The following EEPD1 variants were observed in gnomAD, a reference collection of about 807,000 sequenced individuals.
The protein encoded by EEPD1 is endonuclease/exonuclease/phosphatase family domain containing 1, also known as endonuclease/exonuclease/phosphatase family domain-containing protein 1.
In EEPD1, 17 loss-of-function variants were observed where a neutral mutation model predicts 46.3. The observed-to-expected ratio is 0.37, with a 90% CI of 0.25 to 0.55. The LOEUF is 0.55. Ranked by LOEUF, EEPD1 falls within the 20% of genes least tolerant of loss-of-function variation. The pLI is 0.83. For missense variants in EEPD1, 673 were observed against 745.6 expected, an observed-to-expected ratio of 0.90 and a Z score of 1.13; for synonymous variants, 313 against 315.6, an observed-to-expected ratio of 0.99 and a Z score of 0.09.
chr7:36,166,941 C>T (rs1180060680), intron 2 of EEPD1, among the ~76,000 whole-genome samples: 3 of 152,142 alleles, frequency 2.0e-5, no homozygotes, highest in African/African-American at 4.8e-5. Flanking sequence ...GGGGCTTCAA[C>T]CACAGAAATG....
At chr7:36,291,685 A>G (rs141576542) in intron 6 of EEPD1, among the ~76,000 whole-genome samples, 242 of 152,344 alleles carry the variant, frequency 1.6e-3, no homozygotes, top group Middle Eastern at 6.8e-3. Flanking sequence ...GCTTCCCTTC[A>G]GATTCCTTTC....
chr7:36,273,431 C>T (rs1280638990), intron 3 of EEPD1, among the ~76,000 whole-genome samples: 2 of 152,052 alleles, frequency 1.3e-5, no homozygotes, highest in East Asian at 1.9e-4. Flanking sequence ...TCTTGGCCAC[C>T]TGTGTCTTCT....
intron 2 of EEPD1, among the ~76,000 whole-genome samples, chr7:36,190,484 G>A (rs1785443286): frequency 6.6e-6 from 1 of 152,174 alleles, no homozygotes; most frequent in Non-Finnish European, 1.5e-5. Context: ...GACATAATCA[G>A]ACAAAAATCA....
chr7:36,276,013 C>T (rs1264818775), intron 3 of EEPD1, among the ~76,000 whole-genome samples: 1 of 152,150 alleles, frequency 6.6e-6, no homozygotes, highest in African/African-American at 2.4e-5. Context: ...ATGCCAGCAC[C>T]TTGTACATCT....
chr7:36,271,469 C>T (rs542071199), intron 3 of EEPD1, among the ~76,000 whole-genome samples: 6,479 of 151,990 alleles, frequency 0.043, 242 homozygotes, highest in Admixed American at 0.1. Flanking sequence ...TTGGTTTTTT[C>T]TTTTAAATTT....
intron 2 of EEPD1, among the ~76,000 whole-genome samples, chr7:36,203,461 C>G (rs2115707812): frequency 1.3e-5 from 2 of 152,300 alleles, no homozygotes; most frequent in African/African-American, 4.8e-5. Flanking sequence ...TCCTTTCTTC[C>G]TCAGGATTCC....
intron 2 of EEPD1, among the ~76,000 whole-genome samples, chr7:36,184,840 C>T (rs1391379671): frequency 2.0e-5 from 3 of 152,212 alleles, no homozygotes; most frequent in Admixed American, 1.3e-4. Flanking sequence ...AAGCAATTCT[C>T]CTGCCTCAGC....
chr7:36,173,200 T>C (rs546870957), intron 2 of EEPD1, among the ~76,000 whole-genome samples: 1 of 151,858 alleles, frequency 6.6e-6, no homozygotes, highest in Non-Finnish European at 1.5e-5. Flanking sequence ...AGTGAGTGAG[T>C]TCTGATGAGA....
intron 2 of EEPD1, among the ~76,000 whole-genome samples, chr7:36,237,824 G>C (rs928620459): frequency 6.6e-6 from 1 of 152,080 alleles, no homozygotes; most frequent in Admixed American, 6.5e-5. Flanking sequence ...AGCAGCACAC[G>C]CCTGTAAAAC....
In EEPD1 at chr7:36,193,850, G is replaced by T. The variant is rs1365075154; in HGVS notation, c.878+38648G>T. On this transcript the variant is annotated intron_variant, in intron 2 of 7. Transcript: ENST00000242108. The surrounding 1 kb of genome is among the most constrained non-coding windows in gnomAD (Gnocchi z 4.9). ...CACCTCCCTCTGGGAGGGCCTGGGGGACCCTGACACCATTCTGTGGGAGAG... is the reference window on the plus strand; with the variant it reads ...CACCTCCCTCTGGGAGGGCCTGGGGTACCCTGACACCATTCTGTGGGAGAG... Among the ~76,000 whole-genome samples, 1 of 152,138 alleles carries T rather than the reference G, an allele frequency of 6.6e-6. No individual in the cohort carries two copies. The highest frequency in any genetic ancestry group is 1.9e-4 in the East Asian group (1 of 5,192).
chr7:36,248,977 G>A (rs1001790150), intron 3 of EEPD1, among the ~76,000 whole-genome samples: 1 of 121,530 alleles, frequency 8.2e-6, no homozygotes, highest in East Asian at 2.5e-4. Flanking sequence ...TTATGGGCTA[G>A]GCTCTGTGGT....
At chr7:36,285,422 T>C (rs1228312327) in intron 5 of EEPD1, among the ~76,000 whole-genome samples, 1 of 152,126 alleles carries the variant, frequency 6.6e-6, no homozygotes, top group East Asian at 1.9e-4. Flanking sequence ...CCAGGGGCAG[T>C]CCTGTCACTG....
At chr7:36,153,962 TC>T (rs1325331948) in intron 1 of EEPD1, among the ~76,000 whole-genome samples, 170 bp from the exon 2 acceptor site, 1 of 152,072 alleles carries the variant, frequency 6.6e-6, no homozygotes, top group Admixed American at 6.5e-5. Context: ...AACCCGGACG[TC>T]CCTAGAGGAG....
intron 2 of EEPD1, among the ~76,000 whole-genome samples, chr7:36,172,682 G>A (rs1335763412): frequency 6.8e-6 from 1 of 147,956 alleles, no homozygotes; most frequent in Non-Finnish European, 1.5e-5. Flanking sequence ...TTTTATGTGA[G>A]GCCAAGACAA....
intron 2 of EEPD1, among the ~76,000 whole-genome samples, chr7:36,238,217 G>A (rs959349170): frequency 6.6e-5 from 10 of 152,108 alleles, no homozygotes; most frequent in African/African-American, 2.4e-4. Context: ...GGTCACTTTT[G>A]TGGCCATCTT....
At chr7:36,198,342 G>GAAAAAAAAAGA (rs1785647291) in intron 2 of EEPD1, among the ~76,000 whole-genome samples, 1 of 33,102 alleles carries the variant, frequency 3.0e-5, no homozygotes, top group African/African-American at 1.2e-4. Flanking sequence ...AAAAAGAAAA[G>GAAAAAAAAAGA]AAAAAAAAAA....
rs567813214 is a variant in EEPD1, at chr7:36,167,742, GTCTC to G, written c.878+12546_878+12549del. On this transcript the variant is annotated intron_variant, in intron 2 of 7. Coordinates refer to ENST00000242108, the MANE Select transcript of EEPD1 (RefSeq NM_030636.3). Reference sequence around the variant, plus strand: ...TATTATTATTATTATTAGAGACAGAGTCTCTCTCTGTGGCCCAGGCTGAAGTGCA... The same window carrying G: ...TATTATTATTATTATTAGAGACAGAGTCTCTGTGGCCCAGGCTGAAGTGCA... Among the ~76,000 whole-genome samples, 163 of 152,116 alleles carry G rather than the reference GTCTC, an allele frequency of 1.1e-3. 1 individual carries two copies. The highest frequency in any genetic ancestry group is 3.7e-3 in the African/African-American group (153 of 41,470).
At chr7:36,206,311 A>G (rs1201502209) in intron 2 of EEPD1, among the ~76,000 whole-genome samples, 1 of 152,220 alleles carries the variant, frequency 6.6e-6, no homozygotes, top group Non-Finnish European at 1.5e-5. Flanking sequence ...TTCTTTTAAA[A>G]AGGCAAGAAG....
intron 2 of EEPD1, among the ~76,000 whole-genome samples, chr7:36,229,742 C>T (rs1031640466): frequency 3.3e-5 from 5 of 152,046 alleles, no homozygotes; most frequent in African/African-American, 9.7e-5. Context: ...GGCTGCCGGC[C>T]GTGTTCTCCG....
Sources: gnomAD v4.1 joint callset for allele counts (sites outside exome capture counted in the v4.1 genomes callset) on GRCh38, gnomAD v4.1.1 for gene constraint, Gnocchi (gnomAD v3.1) non-coding constraint, MANE v1.5 for transcripts, NCBI Gene and HGNC (gene_info 2026-07-23, HGNC 2026-07-21) for gene names.